The following COL19A1 variants were observed in gnomAD, a reference collection of about 807,000 sequenced individuals.
COL19A1 encodes the protein collagen alpha-1(XIX) chain.
A neutral mutation model predicts 190.2 loss-of-function variants in COL19A1; 159 were observed. The ratio of observed to expected loss-of-function variants is 0.84; its 90% confidence interval spans 0.73 to 0.95. The LOEUF is 0.95. COL19A1 is among the 40% of genes least tolerant of loss of function. The pLI, the probability that COL19A1 is intolerant of heterozygous loss-of-function variation, is 0.00. For synonymous variants in COL19A1, 509 were observed against 458.9 expected (o/e 1.11, Z -1.39); for missense variants, 1,418 against 1,431.9 (o/e 0.99, Z 0.16).
At chr6:70,152,160 C>G (rs375823324) in intron 31 of COL19A1, among the ~76,000 whole-genome samples, 1 of 151,966 alleles carries the variant, frequency 6.6e-6, no homozygotes, top group Non-Finnish European at 1.5e-5. Context: ...ACATGAAAAT[C>G]AGGCCCTTGA....
At chr6:69,902,322 G>A (rs1448066004) in intron 4 of COL19A1, among the ~76,000 whole-genome samples, 1 of 152,202 alleles carries the variant, frequency 6.6e-6, no homozygotes, top group Non-Finnish European at 1.5e-5. Context: ...GGAAAATGGG[G>A]ATGCTTTCTG....
At chr6:69,905,270 G>T (rs770932734) in intron 4 of COL19A1, among the ~76,000 whole-genome samples, 3 of 152,178 alleles carry the variant, frequency 2.0e-5, no homozygotes, top group Non-Finnish European at 2.9e-5. Context: ...ACACTTGGAG[G>T]GCTGTAGGCA....
At chr6:70,119,916 C>A (rs529259136) in intron 16 of COL19A1, among the ~76,000 whole-genome samples, 3 of 152,240 alleles carry the variant, frequency 2.0e-5, no homozygotes, top group East Asian at 3.9e-4. Context: ...CATGGCGAAA[C>A]CCTACCTCTA....
At chr6:69,967,780 T>G (rs1442624460) in intron 11 of COL19A1, among the ~76,000 whole-genome samples, 1 of 152,172 alleles carries the variant, frequency 6.6e-6, no homozygotes, top group Non-Finnish European at 1.5e-5. Flanking sequence ...GCAAATATTT[T>G]TTACCAGACA....
intron 15 of COL19A1, among the ~76,000 whole-genome samples, chr6:70,081,901 A>G (rs1396481865): frequency 1.3e-5 from 2 of 152,166 alleles, no homozygotes; most frequent in Non-Finnish European, 2.9e-5. Context: ...CAATATTTCT[A>G]TGCAAAGAAA....
intron 17 of COL19A1, among the ~76,000 whole-genome samples, chr6:70,125,115 TGTGCCAGATGGTCTGACTGTAGC>T (rs1785117460): frequency 7.7e-6 from 1 of 130,450 alleles, no homozygotes. Context: ...CAATTTGTAG[TGTGCCAGATGGTCTGACTGTAGC>T]AAATAAGCAC....
At chr6:70,137,076 A>G (rs191781800) in intron 18 of COL19A1, among the ~76,000 whole-genome samples, 1 of 152,248 alleles carries the variant, frequency 6.6e-6, no homozygotes, top group Admixed American at 6.5e-5. Flanking sequence ...AACACTCTTT[A>G]TATGTCACAT....
At chr6:70,069,592 G>A (rs187855762) in intron 15 of COL19A1, among the ~76,000 whole-genome samples, 2 of 152,164 alleles carry the variant, frequency 1.3e-5, no homozygotes, top group East Asian at 1.9e-4. Context: ...AGGCAAGTAC[G>A]CCCCATACCA....
intron 2 of COL19A1, among the ~76,000 whole-genome samples, chr6:69,888,194 G>A (rs1769071217): frequency 6.6e-6 from 1 of 152,134 alleles, no homozygotes; most frequent in Non-Finnish European, 1.5e-5. Flanking sequence ...GGCAAGAACA[G>A]ACAAAGCCGG....
At chr6:70,116,110 G>A (rs1369332065) in intron 16 of COL19A1, among the ~76,000 whole-genome samples, 3 of 152,072 alleles carry the variant, frequency 2.0e-5, no homozygotes, top group Admixed American at 1.3e-4. Context: ...CTTATATGTT[G>A]TAATTCTGGT....
intron 2 of COL19A1, among the ~76,000 whole-genome samples, chr6:69,887,214 T>C (rs1769004240): frequency 6.6e-6 from 1 of 152,232 alleles, no homozygotes; most frequent in African/African-American, 2.4e-5. Context: ...CTTTCTACTA[T>C]CTTGAGACTT....
chr6:70,053,084 A>G (rs1780296733), intron 14 of COL19A1, among the ~76,000 whole-genome samples: 1 of 152,222 alleles, frequency 6.6e-6, no homozygotes, highest in Non-Finnish European at 1.5e-5. Flanking sequence ...TTGAAATGAT[A>G]TTGAAATGTT....
intron 2 of COL19A1, among the ~76,000 whole-genome samples, chr6:69,892,168 C>T (rs139411919): frequency 2.0e-5 from 3 of 152,256 alleles, no homozygotes; most frequent in African/African-American, 7.2e-5. Flanking sequence ...AGGAAACCTC[C>T]GAGTGGTGGG....
Position 70,207,142 on chromosome 6 carries a change from G to A in COL19A1, c.3302-5G>A, listed in dbSNP as rs375355113. On this transcript the variant is annotated splice_polypyrimidine_tract_variant and splice_region_variant and intron_variant, in intron 50 of 50. Coordinates refer to ENST00000620364, the MANE Select transcript of COL19A1 (RefSeq NM_001858.6). ...TGCATTGTAATTTTTTTTTTATGTC[G>A]TTAGCTCTGGGTTTGCCAGGCTCAC... The A allele has an allele frequency of 2.8e-5, 45 of 1,610,842 alleles. No individual in the cohort carries two copies. The highest frequency in any genetic ancestry group is 1.7e-4 in the Middle Eastern group (1 of 6,028).
At chr6:70,038,422 C>T (rs892212211) in intron 14 of COL19A1, among the ~76,000 whole-genome samples, 1 of 152,168 alleles carries the variant, frequency 6.6e-6, no homozygotes, top group Non-Finnish European at 1.5e-5. Context: ...AAGCTTTCTT[C>T]CTACTCAAAA....
At chr6:70,190,133 C>A (rs1336223979) in intron 47 of COL19A1, among the ~76,000 whole-genome samples, 182 bp from the exon 48 acceptor site, 1 of 152,230 alleles carries the variant, frequency 6.6e-6, no homozygotes, top group Admixed American at 6.5e-5. Context: ...ACTTCAACTT[C>A]TTCCCAGAAT....
chr6:70,114,640 A>G (rs1170526267), intron 16 of COL19A1, among the ~76,000 whole-genome samples: 5 of 152,162 alleles, frequency 3.3e-5, no homozygotes, highest in Middle Eastern at 3.2e-3. Flanking sequence ...AGGAACTGAC[A>G]TTTCCAAAGC....
chr6:70,123,151 A>G (rs949056399), intron 17 of COL19A1, among the ~76,000 whole-genome samples: 7 of 152,174 alleles, frequency 4.6e-5, no homozygotes, highest in African/African-American at 1.7e-4. Flanking sequence ...GGTGAAGGAC[A>G]TGAACAGACA....
intron 9 of COL19A1, among the ~76,000 whole-genome samples, chr6:69,941,480 T>A (rs1191743009): frequency 6.6e-6 from 1 of 152,174 alleles, no homozygotes; most frequent in Admixed American, 6.6e-5. Context: ...GGAATCTTCA[T>A]TTGTGAGATA....
Sources: gnomAD v4.1 joint callset for allele counts (sites outside exome capture counted in the v4.1 genomes callset) on GRCh38, gnomAD v4.1.1 for gene constraint, MANE v1.5 for transcripts, NCBI Gene and HGNC (gene_info 2026-07-23, HGNC 2026-07-21) for gene names.